COBLL1: variants seen among roughly 807,000 people sequenced by gnomAD.
COBLL1 encodes the protein cordon-bleu protein-like 1.
Under a neutral mutation model 94.8 loss-of-function variants are expected in COBLL1, and 50 were observed. The ratio of observed to expected loss-of-function variants is 0.53; its 90% CI spans 0.42 to 0.67. The LOEUF (loss-of-function observed/expected upper bound fraction) is 0.67, where lower values mean the gene tolerates loss of function less well. Ranked by LOEUF, COBLL1 falls within the 30% of genes least tolerant of loss-of-function variation. COBLL1 has a pLI of 0.00. For missense variants in COBLL1, 1,362 were observed against 1,348.7 expected, an observed-to-expected ratio of 1.01 and a Z score of -0.15; for synonymous variants, 448 against 473.8, an observed-to-expected ratio of 0.95 and a Z score of 0.71.
intron 7 of COBLL1, among the ~76,000 whole-genome samples, chr2:164,710,155 A>C (rs1254598488): frequency 1.3e-5 from 2 of 152,228 alleles, no homozygotes; most frequent in African/African-American, 4.8e-5. Context: ...TCAAATAAAA[A>C]TCAAATTGTG....
intron 2 of COBLL1, among the ~76,000 whole-genome samples, chr2:164,806,276 C>G (rs569772063): frequency 6.6e-6 from 1 of 152,190 alleles, no homozygotes; most frequent in East Asian, 1.9e-4. Context: ...AGTTTGATAC[C>G]TAGTTCTGCC....
At chr2:164,795,462 T>G (rs1683398151) in intron 2 of COBLL1, among the ~76,000 whole-genome samples, 1 of 152,210 alleles carries the variant, frequency 6.6e-6, no homozygotes, top group Non-Finnish European at 1.5e-5. Flanking sequence ...TTATATTTTA[T>G]TAAATTAACC....
chr2:164,828,759 TA>T (rs1409795930), intron 2 of COBLL1, among the ~76,000 whole-genome samples: 3 of 152,216 alleles, frequency 2.0e-5, no homozygotes, highest in Non-Finnish European at 2.9e-5. Flanking sequence ...TGGCATAAAA[TA>T]TTTTTTTGTT....
intron 5 of COBLL1, among the ~76,000 whole-genome samples, chr2:164,726,649 G>C (rs1685735419): frequency 1.3e-5 from 2 of 151,944 alleles, no homozygotes; most frequent in East Asian, 1.9e-4. Context: ...TGGTATAAAA[G>C]CTAATTTCAA....
intron 13 of COBLL1, chr2:164,687,647 A>G: frequency 1.1e-6 from 1 of 902,954 alleles, no homozygotes; most frequent in South Asian, 1.3e-5. Context: ...TGAAAGGCCT[A>G]TTATCAAGGT....
chr2:164,674,213 A>T (rs1325323777), intron 1 of COBLL1, among the ~76,000 whole-genome samples: 1 of 152,020 alleles, frequency 6.6e-6, no homozygotes, highest in Non-Finnish European at 1.5e-5. Flanking sequence ...GGCACGCACC[A>T]CCAGACCCAG....
chr2:164,802,145 TAA>T (rs1452877336), intron 2 of COBLL1, among the ~76,000 whole-genome samples: 2 of 152,222 alleles, frequency 1.3e-5, no homozygotes, highest in Non-Finnish European at 2.9e-5. Context: ...GATAGCAGAT[TAA>T]GATTCATAAA....
intron 13 of COBLL1, among the ~76,000 whole-genome samples, chr2:164,691,772 C>T (rs766493588): frequency 5.3e-5 from 8 of 152,108 alleles, no homozygotes; most frequent in Non-Finnish European, 8.8e-5. Context: ...TCTAGATATT[C>T]TGCACTTTTT....
At chr2:164,725,795 TA>T (rs1685697562) in intron 5 of COBLL1, among the ~76,000 whole-genome samples, 2 of 152,302 alleles carry the variant, frequency 1.3e-5, no homozygotes, top group African/African-American at 4.8e-5. Flanking sequence ...AGTTTTCACT[TA>T]AAGCTCTACA....
downstream of COBLL1, among the ~76,000 whole-genome samples, chr2:164,679,421 T>C (rs1032880878): frequency 9.9e-5 from 15 of 152,020 alleles, no homozygotes; most frequent in African/African-American, 4.8e-5. Flanking sequence ...GAGGTACTCA[T>C]TGCAAAGGAA....
chr2:164,662,517 T>C (rs1365252341), intron 2 of COBLL1, among the ~76,000 whole-genome samples: 1 of 152,234 alleles, frequency 6.6e-6, no homozygotes. Flanking sequence ...GCATTTTTAA[T>C]GTTGGATTTT....
intron 12 of COBLL1, among the ~76,000 whole-genome samples, chr2:164,692,866 A>G (rs1273282603): frequency 6.6e-6 from 1 of 152,150 alleles, no homozygotes; most frequent in Non-Finnish European, 1.5e-5. Flanking sequence ...TATATCTTCT[A>G]ATAAAGGAAT....
Position 164,734,553 on chromosome 2 carries a change from G to A in COBLL1, c.231-4438C>T, listed in dbSNP as rs187985197. On this transcript the variant is annotated intron_variant, in intron 3 of 13. Transcript: ENST00000652658. ...TTAAAAGGATTACATTCTGGTTTTT[G>A]TATTCAAAATAGCCTGGAGGAGCAG... 8.5e-5 allele frequency among the ~76,000 whole-genome samples: 13 copies of A among 152,290 alleles called. No individual in the cohort carries two copies. In the East Asian group the frequency reaches 2.5e-3, roughly 29 times the overall value.
intron 2 of COBLL1, among the ~76,000 whole-genome samples, chr2:164,794,494 GA>G (rs1161645126): frequency 2.0e-5 from 3 of 151,532 alleles, no homozygotes; most frequent in East Asian, 3.9e-4. Context: ...GGGTAGGGAA[GA>G]AAAAAAATCA....
At chr2:164,751,879 G>A (rs777760046) in intron 2 of COBLL1, among the ~76,000 whole-genome samples, 46 of 152,076 alleles carry the variant, frequency 3.0e-4, no homozygotes, top group Non-Finnish European at 5.3e-4. Flanking sequence ...CCAGACGCTC[G>A]GTAATTTGCC....
rs182231928 is a variant in COBLL1 at position 164,707,111 on chromosome 2, G to A, written c.997-2006C>T. ...GGAATGCTTTTTCTTCTGATAACTC[G>A]GTGTCCCTTCATTTTCTTCAGGCCA... On this transcript the variant is annotated intron_variant, in intron 7 of 13. Coordinates refer to ENST00000652658, the MANE Select transcript of COBLL1 (RefSeq NM_001365672.2). Among the ~76,000 whole-genome samples the A allele has an allele frequency of 6.1e-4, 93 of 151,850 alleles. 1 individual carries two copies. The highest frequency in any genetic ancestry group is 1.7e-3 in the South Asian group (8 of 4,796).
intron 2 of COBLL1, among the ~76,000 whole-genome samples, chr2:164,825,725 G>GA (rs756119896): frequency 2.0e-5 from 3 of 152,138 alleles, no homozygotes; most frequent in Non-Finnish European, 4.4e-5. Context: ...CACCATAGCT[G>GA]AAAGAGTTAC....
At chr2:164,805,342 T>TATAAATATATATATATAAATATATATAA (rs1559033698) in intron 2 of COBLL1, among the ~76,000 whole-genome samples, 9 of 87,660 alleles carry the variant, frequency 1.0e-4, no homozygotes, top group Non-Finnish European at 1.8e-4. Context: ...TCTCTCTATA[T>TATAAATATATATATATAAATATATATAA]ATATATATAT....
Position 164,705,063 on chromosome 2 carries a change from G to A in COBLL1, c.1039C>T (p.Leu347Phe). ...GAATTCCCTGCAGACATGCTGCTGA[G>A]CTGCAGTGAACCTGCCCTCACTCTT... is the stretch of plus-strand genomic sequence containing the variant. Reference protein sequence around the residue: ...AGRVRAGSLQLSSMSAGNSSL... With the variant: ...AGRVRAGSLQFSSMSAGNSSL... The change falls in exon 8 of 14, where the codon CTC becomes TTC. Residue 347 changes from leucine (L) to phenylalanine (F), a missense_variant. Transcript: ENST00000652658. 3 of 1,594,488 alleles carry A rather than the reference G, an allele frequency of 1.9e-6. No individual in the cohort carries two copies. Among genetic ancestry groups the A allele is most frequent in the Middle Eastern group, 1.7e-4 (1 of 6,006 alleles).
Sources: gnomAD v4.1 joint callset for allele counts (sites outside exome capture counted in the v4.1 genomes callset) on GRCh38, gnomAD v4.1.1 for gene constraint, MANE v1.5 for transcripts, NCBI Gene and HGNC (gene_info 2026-07-23, HGNC 2026-07-21) for gene names.